RAB11FIP5: variants seen among roughly 807,000 people sequenced by gnomAD.
RAB11FIP5 encodes the protein rab11 family-interacting protein 5.
A neutral mutation model predicts 85.1 loss-of-function variants in RAB11FIP5; 48 were observed. The observed-to-expected ratio is 0.56, with a 90% CI of 0.45 to 0.72. The LOEUF (loss-of-function observed/expected upper bound fraction) is 0.72, where lower values mean the gene tolerates loss of function less well. Among genes scored for constraint, RAB11FIP5 ranks in the 30% least tolerant of loss-of-function variants. The probability of loss-of-function intolerance (pLI) is 0.00; values close to 1 mark genes in which losing one functional copy is unlikely to be tolerated. For synonymous variants in RAB11FIP5, 729 were observed against 727.3 expected, an observed-to-expected ratio of 1.00 and a Z score of -0.04; for missense variants, 1,491 against 1,687.0, an observed-to-expected ratio of 0.88 and a Z score of 2.04.
At chr2:73,094,545 G>A (rs537603420) in intron 1 of RAB11FIP5, among the ~76,000 whole-genome samples, 13 of 152,262 alleles carry the variant, frequency 8.5e-5, no homozygotes, top group African/African-American at 2.6e-4. Context: ...AGAAGGTCCC[G>A]GCCTGGTTAT....
At chr2:73,076,295 G>T in intron 4 of RAB11FIP5, 113 bp from the exon 5 acceptor site, 1 of 1,024,454 alleles carries the variant, frequency 9.8e-7, no homozygotes, top group South Asian at 1.5e-5. Context: ...GCCCAGCACT[G>T]GGTGGTAGCT....
chr2:73,107,355 G>A (rs1029927691), intron 1 of RAB11FIP5, among the ~76,000 whole-genome samples: 5 of 152,310 alleles, frequency 3.3e-5, no homozygotes, highest in Non-Finnish European at 5.9e-5. Context: ...AGACAAGAGC[G>A]TCACAGCACT....
intron 1 of RAB11FIP5, among the ~76,000 whole-genome samples, chr2:73,101,364 T>C (rs1261912206): frequency 1.3e-5 from 2 of 152,136 alleles, no homozygotes; most frequent in African/African-American, 2.4e-5. Flanking sequence ...CCTATTTGGA[T>C]CCTAACTCAA....
intron 3 of RAB11FIP5, among the ~76,000 whole-genome samples, chr2:73,082,040 C>T (rs998059065): frequency 1.4e-3 from 183 of 129,896 alleles, no homozygotes; most frequent in African/African-American, 5.0e-3. Context: ...CCTTACATCC[C>T]TTTTTTTTTT....
intron 1 of RAB11FIP5, among the ~76,000 whole-genome samples, chr2:73,095,245 C>T (rs1684294002): frequency 6.6e-6 from 1 of 152,196 alleles, no homozygotes. Context: ...GGTGCCTCTG[C>T]AGCCAGGACA....
chr2:73,075,795 C>CGCCCGCCT lies in RAB11FIP5; in HGVS notation c.3772-79_3772-72dup, dbSNP rs1260414701. 6.0e-6 allele frequency: 9 copies of CGCCCGCCT among 1,503,826 alleles called. 1 individual carries two copies. The highest frequency in any genetic ancestry group is 5.9e-5 in the Admixed American group (3 of 50,662). The allele number at this position is 1,503,826 out of a possible 1,614,324, so 93.2% of individuals were successfully genotyped here. ...CTGCCTGCCTGCCCGCTTGCCCGCC[C>CGCCCGCCT]GCCCGCCTGCCCACCAACACCTAAG... On this transcript the variant is annotated intron_variant, in intron 5 of 5. Transcript: ENST00000486777. The surrounding 1 kb of genome is among the most constrained non-coding windows in gnomAD (Gnocchi z 4.6).
At chr2:73,096,873 T>C (rs1332865345) in intron 1 of RAB11FIP5, among the ~76,000 whole-genome samples, 1 of 152,114 alleles carries the variant, frequency 6.6e-6, no homozygotes, top group Admixed American at 6.6e-5. Context: ...ACCCATCAGG[T>C]GTGTTCCCAC....
intron 3 of RAB11FIP5, among the ~76,000 whole-genome samples, chr2:73,082,290 G>A (rs1683999403): frequency 1.3e-5 from 2 of 152,130 alleles, no homozygotes; most frequent in African/African-American, 4.8e-5. Flanking sequence ...TTACAAACAT[G>A]AGCCACTAAG....
At chr2:73,094,120 C>CAAAAA (rs550613252) in intron 1 of RAB11FIP5, among the ~76,000 whole-genome samples, 1 of 84,656 alleles carries the variant, frequency 1.2e-5, no homozygotes, top group African/African-American at 3.7e-5. Flanking sequence ...GACTTTGTCT[C>CAAAAA]AAAAAAAAAA....
intron 1 of RAB11FIP5, among the ~76,000 whole-genome samples, chr2:73,105,888 C>T (rs569620311): frequency 1.3e-5 from 2 of 152,220 alleles, no homozygotes; most frequent in Admixed American, 1.3e-4. Flanking sequence ...GGGTTCACAT[C>T]CTGACTTTGT....
chr2:73,075,014 G>T lies in RAB11FIP5; in HGVS notation c.*507C>A. Reference sequence around the variant, plus strand: ...AGGGGAATGGGTGTGAGGCTGAAGAGGCTGGTTGCCCGTAACTCACAGACA... The same window carrying T: ...AGGGGAATGGGTGTGAGGCTGAAGATGCTGGTTGCCCGTAACTCACAGACA... On this transcript the variant is annotated 3_prime_UTR_variant, in exon 6 of 6. Transcript: ENST00000486777. The surrounding 1 kb of genome is among the most constrained non-coding windows in gnomAD (Gnocchi z 4.6). The T allele has an allele frequency of 2.8e-6, 1 of 356,954 alleles. No individual in the cohort carries two copies. The highest frequency in any genetic ancestry group is 2.1e-5 in the South Asian group (1 of 46,718). 22.1% of individuals were successfully genotyped at this position (356,954 alleles called of 1,614,324 possible). A position where few individuals can be genotyped will look rare whatever the true frequency, so the allele number is the denominator to read the frequency against.
Position 73,074,976 on chromosome 2 carries a change from G to C in RAB11FIP5, c.*545C>G, listed in dbSNP as rs570543396. On this transcript the variant is annotated 3_prime_UTR_variant, in exon 6 of 6. Transcript: ENST00000486777. ...GCAGAGACTGGCCCAGACCACACAGGCTTCTTGCTCTCAGGGGAATGGGTG... is the reference window on the plus strand; with the variant it reads ...GCAGAGACTGGCCCAGACCACACAGCCTTCTTGCTCTCAGGGGAATGGGTG... 5.7e-6 allele frequency: 2 copies of C among 353,424 alleles called. No homozygotes were observed. The highest frequency in any genetic ancestry group is 2.2e-5 in the South Asian group (1 of 45,812). 21.9% of individuals were successfully genotyped at this position (353,424 alleles called of 1,614,324 possible).
At chr2:73,097,788 A>C (rs1008388564) in intron 1 of RAB11FIP5, among the ~76,000 whole-genome samples, 1 of 152,302 alleles carries the variant, frequency 6.6e-6, no homozygotes, top group African/African-American at 2.4e-5. Flanking sequence ...TCAGCCCCCA[A>C]CTGAACTAAG....
intron 3 of RAB11FIP5, among the ~76,000 whole-genome samples, 182 bp downstream of exon 3, chr2:73,087,868 T>C (rs537143224): frequency 4.9e-4 from 74 of 152,250 alleles, no homozygotes; most frequent in African/African-American, 1.7e-3. Context: ...GTAACTCACC[T>C]GTGTCCGTGA....
rs919569908 is a variant in RAB11FIP5 at position 73,075,130 on chromosome 2, G to A, written c.*391C>T. On this transcript the variant is annotated 3_prime_UTR_variant, in exon 6 of 6. Transcript: ENST00000486777. The surrounding 1 kb of genome is among the most constrained non-coding windows in gnomAD (Gnocchi z 4.6). The stretch of plus-strand genomic sequence containing the variant: ...GGGGATGGGGCTTTGGCTGTGGGAA[G>A]AAATGGCTGACCATCCTTGGGGGAT... 3 of 434,098 alleles carry A rather than the reference G, an allele frequency of 6.9e-6. No homozygotes were observed. The highest frequency in any genetic ancestry group is 1.8e-5 in the South Asian group (1 of 54,662). 26.9% of individuals were successfully genotyped at this position (434,098 alleles called of 1,614,324 possible).
chr2:73,099,057 T>TC (rs923230834), intron 1 of RAB11FIP5, among the ~76,000 whole-genome samples: 3 of 150,562 alleles, frequency 2.0e-5, no homozygotes, highest in African/African-American at 7.3e-5. Context: ...TTTTCTTTTT[T>TC]TTTTTTTTTG....
chr2:73,099,424 C>T (rs1018883459), intron 1 of RAB11FIP5, among the ~76,000 whole-genome samples: 1 of 152,182 alleles, frequency 6.6e-6, no homozygotes, highest in Non-Finnish European at 1.5e-5. Flanking sequence ...CTGAGAAAAC[C>T]TGCTTTAGAG....
At chr2:73,092,206 G>A (rs960922680) in intron 1 of RAB11FIP5, among the ~76,000 whole-genome samples, 5 of 152,196 alleles carry the variant, frequency 3.3e-5, no homozygotes, top group Non-Finnish European at 7.3e-5. Flanking sequence ...CTGGGAGGTA[G>A]GGCAAAAGAG....
intron 1 of RAB11FIP5, among the ~76,000 whole-genome samples, chr2:73,092,994 C>G (rs1247586086): frequency 6.6e-6 from 1 of 152,186 alleles, no homozygotes; most frequent in African/African-American, 2.4e-5. Context: ...ACATCCTCCC[C>G]CTCCCTAGAG....
Sources: allele counts gnomAD v4.1 joint callset (sites outside exome capture counted in the v4.1 genomes callset), GRCh38; gene constraint gnomAD v4.1.1; non-coding constraint Gnocchi (gnomAD v3.1); transcripts MANE v1.5; gene names NCBI Gene and HGNC (gene_info 2026-07-23, HGNC 2026-07-21).